MTA1: variants seen among roughly 807,000 people sequenced by gnomAD.
MTA1 encodes the protein metastasis associated 1.
In MTA1, 15 loss-of-function variants were observed where a neutral mutation model predicts 97.0. That is an observed-to-expected ratio of 0.15 (90% CI 0.10 to 0.24). The LOEUF (loss-of-function observed/expected upper bound fraction) is 0.24, where lower values mean the gene tolerates loss of function less well. Ranked by LOEUF, MTA1 falls within the 10% of genes least tolerant of loss-of-function variation. MTA1 has a pLI of 1.00. For synonymous variants in MTA1, 435 were observed against 417.5 expected, an observed-to-expected ratio of 1.04 and a Z score of -0.51; for missense variants, 709 against 1,015.1, an observed-to-expected ratio of 0.70 and a Z score of 4.10.
rs1253000368 is a variant in MTA1, at chr14:105,420,297, C to T, written c.28+234C>T. Among the ~76,000 whole-genome samples, 1 of 149,912 alleles carries T rather than the reference C, an allele frequency of 6.7e-6. No homozygotes were observed. Among genetic ancestry groups the T allele is most frequent in the African/African-American group, 2.4e-5 (1 of 41,154 alleles). ...TCGGCGGCCCGGGGGTGGGGGGCGG[C>T]CCACCTGTTGGGGCCGAGGGGGCGG... On this transcript the variant is annotated intron_variant, in intron 1 of 20. Transcript: ENST00000331320. This position sits in a 1 kb window ranked among gnomAD's most constrained non-coding sequence, Gnocchi z 5.3.
In MTA1 at chr14:105,463,212, T is replaced by C; in HGVS notation, c.971T>C (p.Ile324Thr). 2 of 1,611,656 alleles carry C rather than the reference T, an allele frequency of 1.2e-6. No homozygotes were observed. Among genetic ancestry groups the C allele is most frequent in the Non-Finnish European group, 1.7e-6 (2 of 1,179,838 alleles). ...CCGTGGAAGTCGCTGACCAGCATCA[T>C]TGAGTACTACTACATGTGGAAGACC... ...FLPWKSLTSI[I>T]EYYYMWKTTD... The change falls in exon 11 of 21, where the codon ATT (isoleucine) becomes ACT (threonine). Residue 324 changes from isoleucine to threonine, a missense_variant. Coordinates refer to ENST00000331320, the MANE Select transcript of MTA1 (RefSeq NM_004689.4). The surrounding 1 kb of genome is among the most constrained non-coding windows in gnomAD (Gnocchi z 5.9).
chr14:105,458,081 G>A (rs587683250), intron 7 of MTA1, among the ~76,000 whole-genome samples, 189 bp from the exon 8 acceptor site: 11 of 152,224 alleles, frequency 7.2e-5, no homozygotes, highest in Admixed American at 2.0e-4. Context: ...CCCCAGCCCC[G>A]GGTTGAGAGG....
chr14:105,441,519 AC>A (rs1567014489), intron 2 of MTA1, among the ~76,000 whole-genome samples: 1 of 152,176 alleles, frequency 6.6e-6, no homozygotes, highest in African/African-American at 2.4e-5. Flanking sequence ...CAGAGGCTGG[AC>A]GCAGGGGCTC....
chr14:105,470,246 C>G lies in MTA1; in HGVS notation c.*31C>G. 7.0e-7 allele frequency: 1 copy of G among 1,436,334 alleles called. No homozygotes were observed. The highest frequency in any genetic ancestry group is 1.4e-5 in the South Asian group (1 of 69,790). 89.0% of individuals were successfully genotyped at this position (1,436,334 alleles called of 1,614,324 possible). On this transcript the variant is annotated 3_prime_UTR_variant, in exon 21 of 21. Transcript: ENST00000331320. ...GCCCCCACCTGCGGCCGCCCCCCGCCCCTCGCCCGCCCACACGGCCCCTTC... is the reference window on the plus strand; with the variant it reads ...GCCCCCACCTGCGGCCGCCCCCCGCGCCTCGCCCGCCCACACGGCCCCTTC...
intron 2 of MTA1, among the ~76,000 whole-genome samples, chr14:105,441,743 G>C (rs28405660): frequency 3.4e-4 from 51 of 152,160 alleles, no homozygotes; most frequent in African/African-American, 1.1e-3. Flanking sequence ...GCAGTGAGCC[G>C]AGATCCCGCC....
chr14:105,461,439 G>A (rs1339561523), intron 10 of MTA1, among the ~76,000 whole-genome samples: 1 of 152,132 alleles, frequency 6.6e-6, no homozygotes, highest in Admixed American at 6.5e-5. Context: ...CTCCACCTCA[G>A]GACCCCCACC....
In MTA1 at chr14:105,464,339, G is replaced by A. The variant is rs1595413742; in HGVS notation, c.1193-77G>A. 1.3e-5 allele frequency: 21 copies of A among 1,574,296 alleles called. No homozygotes were observed. In the East Asian group the frequency reaches 1.6e-4, roughly 12 times the overall value. On this transcript the variant is annotated intron_variant, in intron 13 of 20. Coordinates refer to ENST00000331320, the MANE Select transcript of MTA1 (RefSeq NM_004689.4). Reference sequence around the variant, plus strand: ...TGCCTGGCGGGTGGGGGCGGCCGGCGTGGGGGTGGCGGGGAATACTCTGAC... The same window carrying A: ...TGCCTGGCGGGTGGGGGCGGCCGGCATGGGGGTGGCGGGGAATACTCTGAC...
At position 105,447,287 on chromosome 14, in the gene MTA1, C is replaced by T. The variant is rs587684192; in HGVS notation, c.190+1776C>T. The stretch of plus-strand genomic sequence containing the variant: ...GTGTGGCCCTGCCAGTCTGTGTGGC[C>T]TGGGGAGTCAGGCGCCACCGTTGAG... On this transcript the variant is annotated intron_variant, in intron 3 of 20. Transcript: ENST00000331320. Among the ~76,000 whole-genome samples the T allele has an allele frequency of 2.7e-3, 411 of 152,176 alleles. 4 individuals carry two copies. The highest frequency in any genetic ancestry group is 9.2e-3 in the African/African-American group (383 of 41,530).
intron 16 of MTA1, 130 bp downstream of exon 16, chr14:105,465,313 G>A: frequency 1.3e-6 from 1 of 746,768 alleles, no homozygotes; most frequent in East Asian, 3.0e-5. Flanking sequence ...GCCTGGAACT[G>A]TCCTTTTGGG....
Position 105,463,599 on chromosome 14 carries a change from G to C in MTA1, c.1076+48G>C, listed in dbSNP as rs200134161. ...CGTCCTCGTGGCCCCGGGGGCCAGG[G>C]AGGGTGGGCACAGGGTGCTGGGGCC... On this transcript the variant is annotated intron_variant, in intron 12 of 20. Coordinates refer to ENST00000331320, the MANE Select transcript of MTA1 (RefSeq NM_004689.4). This position sits in a 1 kb window ranked among gnomAD's most constrained non-coding sequence, Gnocchi z 5.9. 70 of 1,578,368 alleles carry C rather than the reference G, an allele frequency of 4.4e-5. No homozygotes were observed. The highest frequency in any genetic ancestry group is 5.9e-5 in the Non-Finnish European group (68 of 1,148,978).
At chr14:105,436,879 A>T (rs1397411507) in intron 1 of MTA1, among the ~76,000 whole-genome samples, 1 of 152,278 alleles carries the variant, frequency 6.6e-6, no homozygotes, top group Non-Finnish European at 1.5e-5. Context: ...TGTGTGATTC[A>T]GTGAATTCTA....
At chr14:105,426,772 C>T (rs2082027830) in intron 1 of MTA1, among the ~76,000 whole-genome samples, 1 of 152,188 alleles carries the variant, frequency 6.6e-6, no homozygotes, top group African/African-American at 2.4e-5. Context: ...AAGGATGGGC[C>T]GGGCGCGAGG....
rs2081941710 is a variant in MTA1, at chr14:105,424,269, A to C, written c.28+4206A>C. Among the ~76,000 whole-genome samples, 1 of 152,140 alleles carries C rather than the reference A, an allele frequency of 6.6e-6. No individual in the cohort carries two copies. Among genetic ancestry groups the C allele is most frequent in the Non-Finnish European group, 1.5e-5 (1 of 67,998 alleles). The stretch of plus-strand genomic sequence containing the variant: ...GAGTGCAGTAGCGCAATCTGGGCTC[A>C]CTGCAAGTCCGCCTCCCGGGTTCAC... On this transcript the variant is annotated intron_variant, in intron 1 of 20. Coordinates refer to ENST00000331320, the MANE Select transcript of MTA1 (RefSeq NM_004689.4). This position sits in a 1 kb window ranked among gnomAD's most constrained non-coding sequence, Gnocchi z 4.0.
chr14:105,455,963 A>AGGCCT (rs2083133713), intron 7 of MTA1, among the ~76,000 whole-genome samples: 1 of 147,622 alleles, frequency 6.8e-6, no homozygotes, highest in African/African-American at 2.6e-5. Flanking sequence ...CACTGTGCTG[A>AGGCCT]GGCCTGTGGG....
At chr14:105,441,754 A>C (rs189470229) in intron 2 of MTA1, among the ~76,000 whole-genome samples, 1 of 152,188 alleles carries the variant, frequency 6.6e-6, no homozygotes, top group Non-Finnish European at 1.5e-5. Context: ...AGATCCCGCC[A>C]CTACACTCCA....
chr14:105,453,401 C>T (rs587734869), intron 6 of MTA1, among the ~76,000 whole-genome samples: 1 of 152,346 alleles, frequency 6.6e-6, no homozygotes, highest in Non-Finnish European at 1.5e-5. Context: ...GTCTCAACTA[C>T]TTGGAGGCTG....
At chr14:105,461,070 T>G in intron 10 of MTA1, 117 bp downstream of exon 10, 5 of 1,077,754 alleles carry the variant, frequency 4.6e-6, no homozygotes, top group Non-Finnish European at 5.4e-6. Flanking sequence ...TGCACCCTGA[T>G]TCCCTGTGCG....
At position 105,470,264 on chromosome 14, in the gene MTA1, G is replaced by A. The variant is rs1457087662; in HGVS notation, c.*49G>A. 5 of 1,321,926 alleles carry A rather than the reference G, an allele frequency of 3.8e-6. No individual in the cohort carries two copies. The highest frequency in any genetic ancestry group is 4.8e-6 in the Non-Finnish European group (5 of 1,036,738). 81.9% of individuals were successfully genotyped at this position (1,321,926 alleles called of 1,614,324 possible). ...CCCCCGCCCCTCGCCCGCCCACACG[G>A]CCCCTTCCCAGCCAGCCCGCCGCCC... On this transcript the variant is annotated 3_prime_UTR_variant, in exon 21 of 21. Coordinates refer to ENST00000331320, the MANE Select transcript of MTA1 (RefSeq NM_004689.4).
At chr14:105,442,238 G>T (rs1389714923) in intron 2 of MTA1, among the ~76,000 whole-genome samples, 1 of 152,206 alleles carries the variant, frequency 6.6e-6, no homozygotes, top group Admixed American at 6.5e-5. Context: ...CGGCAGCCGC[G>T]TTCAGGTGTG....
Sources: allele counts gnomAD v4.1 joint callset (sites outside exome capture counted in the v4.1 genomes callset), GRCh38; gene constraint gnomAD v4.1.1; non-coding constraint Gnocchi (gnomAD v3.1); transcripts MANE v1.5; gene names NCBI Gene and HGNC (gene_info 2026-07-23, HGNC 2026-07-21).